The following ATXN7L1 variants were observed in gnomAD, a reference collection of about 807,000 sequenced individuals.
ATXN7L1 encodes the protein ataxin 7 like 1.
Under a neutral mutation model 70.8 loss-of-function variants are expected in ATXN7L1, and 15 were observed. The ratio of observed to expected loss-of-function variants is 0.21; its 90% confidence interval spans 0.14 to 0.33. The LOEUF is 0.33. Among genes scored for constraint, ATXN7L1 ranks in the 10% least tolerant of loss-of-function variants. The pLI is 1.00. For synonymous variants in ATXN7L1, 440 were observed against 445.1 expected (o/e 0.99, Z 0.14); for missense variants, 975 against 1,097.1 (o/e 0.89, Z 1.57).
intron 7 of ATXN7L1, among the ~76,000 whole-genome samples, chr7:105,638,134 A>C (rs1797654107): frequency 6.6e-6 from 1 of 152,214 alleles, no homozygotes; most frequent in African/African-American, 2.4e-5. Flanking sequence ...GACAGTGATG[A>C]TAATAATGAT....
intron 3 of ATXN7L1, among the ~76,000 whole-genome samples, chr7:105,784,243 T>C (rs1179421538): frequency 6.6e-6 from 1 of 152,082 alleles, no homozygotes; most frequent in Non-Finnish European, 1.5e-5. Flanking sequence ...GGATTATAGG[T>C]GTAAGCCACT....
rs1470485018 is a variant in ATXN7L1 at position 105,860,128 on chromosome 7, A to AATATATATATAT, written c.250+15672_250+15683dup. 3.4e-4 allele frequency among the ~76,000 whole-genome samples: 24 copies of AATATATATATAT among 70,794 alleles called. 1 individual carries two copies. Among genetic ancestry groups the AATATATATATAT allele is most frequent in the Admixed American group, 7.0e-4 (4 of 5,752 alleles). The allele number at this position is 70,794 out of a possible 152,430, so 46.4% of individuals were successfully genotyped here. A position where few individuals can be genotyped will look rare whatever the true frequency, so the allele number is the denominator to read the frequency against. Reference sequence around the variant, plus strand: ...ATATACAGATAGATCTTTATATGTAAATATATATATATATATATACATATA... The same window carrying AATATATATATAT: ...ATATACAGATAGATCTTTATATGTAAATATATATATATATATATATATATATATATACATATA... On this transcript the variant is annotated intron_variant, in intron 2 of 11. Coordinates refer to ENST00000419735, the MANE Select transcript of ATXN7L1 (RefSeq NM_020725.2).
At chr7:105,761,302 C>T in intron 3 of ATXN7L1, 1 of 1,602,566 alleles carries the variant, frequency 6.2e-7, no homozygotes, top group Non-Finnish European at 8.5e-7. Flanking sequence ...TCTCCTCTTC[C>T]AGGAAGCCGT....
At chr7:105,740,784 T>TTTTTTTTTTTTTTTTTTTTTGAG (rs556048408) in intron 3 of ATXN7L1, among the ~76,000 whole-genome samples, 3 of 77,922 alleles carry the variant, frequency 3.9e-5, no homozygotes, top group Admixed American at 1.4e-4. Context: ...TTTTTTTTTT[T>TTTTTTTTTTTTTTTTTTTTTGAG]AATGGAGTCT....
intron 5 of ATXN7L1, among the ~76,000 whole-genome samples, chr7:105,642,427 G>A (rs941036237): frequency 2.6e-5 from 4 of 152,240 alleles, no homozygotes; most frequent in Non-Finnish European, 5.9e-5. Context: ...TCCCTCACAT[G>A]CCTTGAGGCA....
intron 2 of ATXN7L1, among the ~76,000 whole-genome samples, chr7:105,811,470 C>A (rs74485358): frequency 6.6e-6 from 1 of 152,098 alleles, no homozygotes; most frequent in African/African-American, 2.4e-5. Flanking sequence ...TACTTTGTTG[C>A]GGCAGCCCTA....
chr7:105,622,304 CCA>C (rs1351076597), intron 8 of ATXN7L1, among the ~76,000 whole-genome samples: 1 of 152,228 alleles, frequency 6.6e-6, no homozygotes, highest in Non-Finnish European at 1.5e-5. Flanking sequence ...TTGATGTGCT[CCA>C]GAGTCTGGCC....
In ATXN7L1 at chr7:105,614,722, G is replaced by T. The variant is rs1366489859; in HGVS notation, c.1612C>A (p.Pro538Thr). ...PASVLQPFSNPSAVYLPSAPI... is the reference protein window; with the variant it reads ...PASVLQPFSNTSAVYLPSAPI... Reference sequence around the variant, plus strand: ...GCTGAAGGAAGATACACAGCACTGGGGTTGCTGAAAGGCTGCAAAACGGAT... The same window carrying T: ...GCTGAAGGAAGATACACAGCACTGGTGTTGCTGAAAGGCTGCAAAACGGAT... The change falls in exon 10 of 12, where the codon CCC (proline) becomes ACC (threonine). Residue 538 changes from proline to threonine, a missense_variant. By Grantham distance (38) the Pro-to-Thr change is conservative. Around this residue, in one of 5 missense-constraint regions of ATXN7L1, gnomAD observed 635 missense variants for 699.4 expected, o/e 0.91. Coordinates refer to ENST00000419735, the MANE Select transcript of ATXN7L1 (RefSeq NM_020725.2). This position sits in a 1 kb window ranked among gnomAD's most constrained non-coding sequence, Gnocchi z 4.3. The T allele has an allele frequency of 6.4e-7, 1 of 1,551,730 alleles. No individual in the cohort carries two copies. Among genetic ancestry groups the T allele is most frequent in the African/African-American group, 1.4e-5 (1 of 73,132 alleles).
At chr7:105,788,915 T>C (rs1804720556) in intron 2 of ATXN7L1, among the ~76,000 whole-genome samples, 1 of 152,160 alleles carries the variant, frequency 6.6e-6, no homozygotes. Flanking sequence ...CCTCCTTATT[T>C]CTCCCCTGGA....
intron 2 of ATXN7L1, among the ~76,000 whole-genome samples, chr7:105,818,361 G>A (rs552187125): frequency 7.9e-4 from 120 of 152,250 alleles, no homozygotes; most frequent in Admixed American, 1.3e-3. Context: ...TGTAGGGATG[G>A]GGTTTTGCCA....
At chr7:105,637,011 C>T (rs768045810) in intron 7 of ATXN7L1, among the ~76,000 whole-genome samples, 1 of 152,222 alleles carries the variant, frequency 6.6e-6, no homozygotes, top group African/African-American at 2.4e-5. Context: ...ATATCCCTAA[C>T]CAACACCCCA....
At chr7:105,692,763 C>A (rs1003188187) in intron 3 of ATXN7L1, among the ~76,000 whole-genome samples, 2 of 150,434 alleles carry the variant, frequency 1.3e-5, no homozygotes, top group African/African-American at 2.5e-5. Flanking sequence ...TTTTTAGAGA[C>A]CTTTTGCTCT....
chr7:105,653,878 C>T (rs1044049516), intron 4 of ATXN7L1, among the ~76,000 whole-genome samples: 5 of 152,152 alleles, frequency 3.3e-5, no homozygotes, highest in Non-Finnish European at 7.3e-5. Context: ...CTCCCCCATT[C>T]TCCAGGTGAA....
chr7:105,761,494 G>A, intron 3 of ATXN7L1: 6 of 1,613,200 alleles, frequency 3.7e-6, no homozygotes, highest in Non-Finnish European at 5.1e-6. Flanking sequence ...GTTGGCATTT[G>A]CTGAATGGTA....
At chr7:105,699,393 A>G (rs1563016649) in intron 3 of ATXN7L1, among the ~76,000 whole-genome samples, 1 of 152,172 alleles carries the variant, frequency 6.6e-6, no homozygotes, top group Non-Finnish European at 1.5e-5. Flanking sequence ...CAGCCTCCCA[A>G]AGTGCTGGAA....
intron 2 of ATXN7L1, among the ~76,000 whole-genome samples, chr7:105,815,265 T>G (rs547796087): frequency 7.9e-5 from 12 of 152,324 alleles, no homozygotes; most frequent in African/African-American, 2.9e-4. Flanking sequence ...ATCTCACATT[T>G]GCATTTTGTG....
At chr7:105,851,080 C>T (rs553179551) in intron 2 of ATXN7L1, among the ~76,000 whole-genome samples, 7 of 152,246 alleles carry the variant, frequency 4.6e-5, no homozygotes, top group South Asian at 2.1e-4. Flanking sequence ...GATTTACAAC[C>T]CTGAAACTAA....
At chr7:105,690,754 T>C (rs1563007473) in intron 3 of ATXN7L1, among the ~76,000 whole-genome samples, 3 of 152,190 alleles carry the variant, frequency 2.0e-5, no homozygotes, top group South Asian at 2.1e-4. Context: ...CAAGGTACGA[T>C]ATCAAGGGCT....
At chr7:105,871,888 G>A (rs898804608) in intron 2 of ATXN7L1, among the ~76,000 whole-genome samples, 1 of 152,138 alleles carries the variant, frequency 6.6e-6, no homozygotes, top group African/African-American at 2.4e-5. Flanking sequence ...AGTTTAAAGG[G>A]GTGAGGAATG....
Sources: gnomAD v4.1 joint callset for allele counts (sites outside exome capture counted in the v4.1 genomes callset) on GRCh38, gnomAD v4.1.1 for gene constraint, gnomAD v4.1.1 regional missense constraint, Gnocchi (gnomAD v3.1) non-coding constraint, MANE v1.5 for transcripts, NCBI Gene and HGNC (gene_info 2026-07-23, HGNC 2026-07-21) for gene names.